The following ANK2 variants were observed in gnomAD, a reference collection of about 807,000 sequenced individuals.
ANK2 encodes ankyrin 2.
Under a neutral mutation model 360.5 loss-of-function variants are expected in ANK2, and 83 were observed. The observed-to-expected ratio is 0.23, with a 90% CI of 0.19 to 0.28. The LOEUF is 0.28. ANK2 is among the 10% of genes least tolerant of loss of function. ANK2 has a pLI of 1.00. For missense variants in ANK2, 4,201 were observed against 4,795.7 expected (o/e 0.88, Z 3.66); for synonymous variants, 1,740 against 1,759.5 (o/e 0.99, Z 0.28).
intron 2 of ANK2, among the ~76,000 whole-genome samples, chr4:112,911,932 C>T (rs368658777): frequency 6.6e-6 from 1 of 152,126 alleles, no homozygotes. Flanking sequence ...AATCCCAGCA[C>T]TTTGGGAGGC....
At chr4:112,741,557 A>G in the ANK2 span, among the ~76,000 whole-genome samples, 1 of 152,190 alleles carries the variant, frequency 6.6e-6, no homozygotes, top group East Asian at 1.9e-4. Context: ...CTCTGTCCAT[A>G]CAGACGCCTA....
chr4:113,030,220 A>T (rs1007206596), intron 2 of ANK2, among the ~76,000 whole-genome samples: 2 of 152,080 alleles, frequency 1.3e-5, no homozygotes, highest in Non-Finnish European at 2.9e-5. Context: ...CAAATAATAT[A>T]TTAGGGAAGG....
chr4:113,214,794 T>A (rs1330526206), intron 4 of ANK2, among the ~76,000 whole-genome samples: 1 of 152,188 alleles, frequency 6.6e-6, no homozygotes, highest in African/African-American at 2.4e-5. Flanking sequence ...TCTTTTCAAA[T>A]CACTGGGAAA....
intron 1 of ANK2, among the ~76,000 whole-genome samples, chr4:112,863,680 G>T (rs1444989798): frequency 6.6e-6 from 1 of 151,904 alleles, no homozygotes; most frequent in East Asian, 1.9e-4. Context: ...CAGCCACCAC[G>T]CCCGGCTAAT....
chr4:113,019,856 T>C (rs1458231320), intron 2 of ANK2, among the ~76,000 whole-genome samples: 1 of 152,074 alleles, frequency 6.6e-6, no homozygotes, highest in East Asian at 1.9e-4. Flanking sequence ...TATGTTTACA[T>C]TGGTTTTTTT....
intron 22 of ANK2, 69 bp from the exon 23 acceptor site, chr4:113,302,698 A>G (rs1008144484): frequency 4.0e-6 from 5 of 1,256,692 alleles, no homozygotes; most frequent in African/African-American, 3.0e-5. Context: ...GTGGCCTCCT[A>G]TGTGATGCTT....
intron 1 of ANK2, among the ~76,000 whole-genome samples, chr4:112,868,902 C>T (rs2071710323): frequency 1.3e-5 from 2 of 152,082 alleles, no homozygotes; most frequent in South Asian, 2.1e-4. Flanking sequence ...AAATCTTTAT[C>T]AGAAATATGA....
intron 2 of ANK2, among the ~76,000 whole-genome samples, chr4:112,979,362 G>A (rs374588551): frequency 6.6e-6 from 1 of 152,334 alleles, no homozygotes; most frequent in Middle Eastern, 3.4e-3. Context: ...CTGGGAACAC[G>A]GTGGTGCCTG....
chr4:113,101,450 G>C (rs2092817910), intron 1 of ANK2, among the ~76,000 whole-genome samples: 1 of 152,168 alleles, frequency 6.6e-6, no homozygotes, highest in Admixed American at 6.5e-5. Flanking sequence ...CTAGGCATTA[G>C]TGGTGTTAAC....
At chr4:112,938,413 C>T (rs2093934795) in intron 2 of ANK2, among the ~76,000 whole-genome samples, 1 of 152,144 alleles carries the variant, frequency 6.6e-6, no homozygotes, top group African/African-American at 2.4e-5. Context: ...AATCTATCTA[C>T]CGCTATATGT....
intron 1 of ANK2, among the ~76,000 whole-genome samples, chr4:112,875,408 G>A (rs944441808): frequency 2.6e-5 from 4 of 151,862 alleles, no homozygotes; most frequent in African/African-American, 9.7e-5. Context: ...TGAACTCCTG[G>A]TTCAAGTGAT....
the ANK2 span, among the ~76,000 whole-genome samples, chr4:112,781,605 T>A: frequency 1.8e-4 from 28 of 152,128 alleles, no homozygotes; most frequent in Admixed American, 1.8e-3. Context: ...CTTATTTGCA[T>A]CCTGATTTTT....
intron 1 of ANK2, among the ~76,000 whole-genome samples, chr4:113,087,430 A>C (rs1226188385): frequency 6.6e-6 from 1 of 152,208 alleles, no homozygotes; most frequent in African/African-American, 2.4e-5. Context: ...AAAGTATTCT[A>C]GACTATTTTC....
Position 113,353,594 on chromosome 4 carries a change from A to G in ANK2, c.4976A>G (p.Gln1659Arg). The G allele has an allele frequency of 6.2e-7, 1 of 1,614,098 alleles. No homozygotes were observed. Among genetic ancestry groups the G allele is most frequent in the Non-Finnish European group, 8.5e-7 (1 of 1,179,976 alleles). Residue 1659 changes from glutamine to arginine, a missense_variant, in exon 38 of 46, where the codon CAA (glutamine) becomes CGA (arginine). Coordinates refer to ENST00000357077, the MANE Select transcript of ANK2 (RefSeq NM_001148.6). ...CCCAAAGAGCAGCTGCAGACAGTTC[A>G]AGATAAGGCAGGGAAGAAATGTGAG... Reference protein sequence around the residue: ...PLPKEQLQTVQDKAGKKCEAL... With the variant: ...PLPKEQLQTVRDKAGKKCEAL...
chr4:112,708,161 G>A, the ANK2 span, among the ~76,000 whole-genome samples: 4 of 152,304 alleles, frequency 2.6e-5, no homozygotes, highest in Middle Eastern at 3.4e-3. Flanking sequence ...AGGGAAAACC[G>A]TGTTGTTCTA....
At chr4:112,858,209 T>A (rs2066923787) in intron 1 of ANK2, among the ~76,000 whole-genome samples, 1 of 149,056 alleles carries the variant, frequency 6.7e-6, no homozygotes, top group African/African-American at 2.5e-5. Context: ...TTTTTTTGAG[T>A]ATAAACTCCT....
intron 1 of ANK2, among the ~76,000 whole-genome samples, chr4:113,054,190 A>G (rs10003890): frequency 0.16 from 24,910 of 152,206 alleles, 2,673 homozygotes; most frequent in African/African-American, 0.3. Flanking sequence ...GAAGATAAAA[A>G]TAAAATATCA....
At chr4:113,196,309 C>A in intron 2 of ANK2, 59 bp from the exon 3 acceptor site, 2 of 1,295,844 alleles carry the variant, frequency 1.5e-6, no homozygotes, top group Non-Finnish European at 2.2e-6. Flanking sequence ...TGAGTAGGAT[C>A]AGGGCACTAT....
At chr4:112,957,283 T>C (rs2095386389) in intron 2 of ANK2, among the ~76,000 whole-genome samples, 1 of 152,086 alleles carries the variant, frequency 6.6e-6, no homozygotes, top group Admixed American at 6.6e-5. Flanking sequence ...TTAATCCATT[T>C]AACCCTGAGT....
Sources: gnomAD v4.1 joint callset for allele counts (sites outside exome capture counted in the v4.1 genomes callset) on GRCh38, gnomAD v4.1.1 for gene constraint, MANE v1.5 for transcripts, NCBI Gene and HGNC (gene_info 2026-07-23, HGNC 2026-07-21) for gene names.